NUSAP1: variants seen among roughly 807,000 people sequenced by gnomAD.
NUSAP1 encodes nucleolar and spindle-associated protein 1.
In NUSAP1, 32 loss-of-function variants were observed where a neutral mutation model predicts 52.8. That is an observed-to-expected ratio of 0.61 (90% CI 0.46 to 0.81). The LOEUF is 0.81. Among genes scored for constraint, NUSAP1 ranks in the 40% least tolerant of loss-of-function variants. The pLI is 0.00. For missense variants in NUSAP1, 499 were observed against 522.3 expected, an observed-to-expected ratio of 0.96 and a Z score of 0.43; for synonymous variants, 195 against 183.1, an observed-to-expected ratio of 1.06 and a Z score of -0.52.
chr15:41,351,478 A>G (rs922721834), intron 4 of NUSAP1, among the ~76,000 whole-genome samples: 1 of 152,218 alleles, frequency 6.6e-6, no homozygotes, highest in Non-Finnish European at 1.5e-5. Context: ...GACAGCAGTC[A>G]TATTGGATTA....
In NUSAP1 at chr15:41,380,625, C is replaced by T. The variant is rs1337695195; in HGVS notation, c.*439C>T. On this transcript the variant is annotated 3_prime_UTR_variant, in exon 11 of 11. Coordinates refer to ENST00000559596, the MANE Select transcript of NUSAP1 (RefSeq NM_016359.5). The stretch of plus-strand genomic sequence containing the variant: ...CTGGGATAGAAAGGCCACCTCTTCA[C>T]TCTCTATAGAATATAGTAACCTTTA... The T allele has an allele frequency of 6.2e-6, 1 of 160,264 alleles. No homozygotes were observed. Among genetic ancestry groups the T allele is most frequent in the Non-Finnish European group, 1.4e-5 (1 of 73,336 alleles). 9.9% of individuals were successfully genotyped at this position (160,264 alleles called of 1,614,324 possible).
chr15:41,350,775 T>C (rs895622649), intron 3 of NUSAP1, among the ~76,000 whole-genome samples: 1 of 152,210 alleles, frequency 6.6e-6, no homozygotes, highest in Non-Finnish European at 1.5e-5. Flanking sequence ...TTGCCATTTC[T>C]ATTTTCCTCT....
At chr15:41,363,952 G>T (rs1018451344) in intron 6 of NUSAP1, among the ~76,000 whole-genome samples, 2 of 151,942 alleles carry the variant, frequency 1.3e-5, no homozygotes, top group African/African-American at 4.8e-5. Context: ...AGAGGGAGAG[G>T]ATAGAATTAT....
intron 2 of NUSAP1, 59 bp from the exon 3 acceptor site, chr15:41,349,039 C>G (rs2048685907): frequency 6.6e-7 from 1 of 1,507,948 alleles, no homozygotes; most frequent in East Asian, 2.3e-5. Context: ...AATTCTGATT[C>G]TTCCTGAGCA....
chr15:41,361,019 A>G (rs2049154324), intron 6 of NUSAP1, among the ~76,000 whole-genome samples: 1 of 151,368 alleles, frequency 6.6e-6, no homozygotes, highest in South Asian at 2.1e-4. Context: ...GCTTGAACCC[A>G]GGAGGTGGAG....
chr15:41,358,463 G>A (rs895540339), intron 6 of NUSAP1, among the ~76,000 whole-genome samples: 6 of 152,124 alleles, frequency 3.9e-5, no homozygotes, highest in African/African-American at 1.2e-4. Context: ...ATGGCCAAGC[G>A]CAGTGGCTCA....
At chr15:41,363,869 C>T (rs1276862796) in intron 6 of NUSAP1, among the ~76,000 whole-genome samples, 1 of 152,168 alleles carries the variant, frequency 6.6e-6, no homozygotes, top group Admixed American at 6.6e-5. Flanking sequence ...AAGTGAAACC[C>T]TTCAAGCATT....
intron 2 of NUSAP1, among the ~76,000 whole-genome samples, chr15:41,343,944 G>T (rs376418691): frequency 1.3e-5 from 2 of 151,410 alleles, no homozygotes; most frequent in African/African-American, 4.8e-5. Context: ...TAGGCCAGGC[G>T]CAGTGGCTCA....
intron 10 of NUSAP1, among the ~76,000 whole-genome samples, chr15:41,377,698 C>CAA (rs567198834): frequency 7.3e-5 from 7 of 96,532 alleles, no homozygotes; most frequent in Middle Eastern, 8.2e-3. Context: ...GGCGCCGTCT[C>CAA]AAAAAAAAAA....
intron 6 of NUSAP1, among the ~76,000 whole-genome samples, chr15:41,361,326 G>A (rs1019111167): frequency 3.3e-5 from 5 of 151,918 alleles, no homozygotes; most frequent in Non-Finnish European, 7.4e-5. Context: ...CCGGGAGGCA[G>A]AGGTTGCGGT....
At chr15:41,366,054 G>A (rs1038034685) in intron 7 of NUSAP1, among the ~76,000 whole-genome samples, 19 of 151,870 alleles carry the variant, frequency 1.3e-4, no homozygotes, top group African/African-American at 4.4e-4. Flanking sequence ...TTGTATTGTA[G>A]TCAGATCAGG....
Position 41,351,118 on chromosome 15 carries a change from C to G in NUSAP1, c.437C>G (p.Ala146Gly). ...GACGAGCACCAAGAAGCTGAGAATG[C>G]TGTTTCCTCAGGTAAACGTGGAATA... ...PPDEHQEAENAVSSGNRDSKV... is the reference protein window; with the variant it reads ...PPDEHQEAENGVSSGNRDSKV... Residue 146 changes from alanine to glycine, a missense_variant, in exon 4 of 11, where the codon GCT (alanine) becomes GGT (glycine). By Grantham distance (60) the Ala-to-Gly change is moderately conservative. Transcript: ENST00000559596. 1 of 1,610,934 alleles carries G rather than the reference C, an allele frequency of 6.2e-7. No homozygotes were observed. The highest frequency in any genetic ancestry group is 8.5e-7 in the Non-Finnish European group (1 of 1,179,198).
intron 7 of NUSAP1, among the ~76,000 whole-genome samples, chr15:41,366,572 G>A (rs143684148): frequency 1.4e-3 from 212 of 152,196 alleles, no homozygotes; most frequent in Non-Finnish European, 1.5e-3. Context: ...ATGAGCCACC[G>A]CGCCTGGCCG....
At chr15:41,341,042 A>T (rs1327517954) in intron 1 of NUSAP1, among the ~76,000 whole-genome samples, 3 of 152,154 alleles carry the variant, frequency 2.0e-5, no homozygotes, top group African/African-American at 7.2e-5. Context: ...GAAGAGGAAG[A>T]AAAAAAGAAC....
intron 1 of NUSAP1, among the ~76,000 whole-genome samples, chr15:41,337,857 T>C (rs1225254071): frequency 1.3e-5 from 2 of 152,072 alleles, no homozygotes; most frequent in Non-Finnish European, 2.9e-5. Flanking sequence ...GCTCTCTTCC[T>C]GGTTGTCTTT....
At chr15:41,337,325 C>G (rs2048195808) in intron 1 of NUSAP1, among the ~76,000 whole-genome samples, 2 of 152,130 alleles carry the variant, frequency 1.3e-5, no homozygotes, top group Non-Finnish European at 2.9e-5. Context: ...GGCCCCACCA[C>G]CAAACCTTTT....
At chr15:41,357,293 G>A (rs2049009641) in intron 5 of NUSAP1, among the ~76,000 whole-genome samples, 1 of 151,924 alleles carries the variant, frequency 6.6e-6, no homozygotes, top group African/African-American at 2.4e-5. Context: ...GCTTGAACCT[G>A]TGAGGCAGAG....
chr15:41,342,859 G>A (rs1309435332), intron 2 of NUSAP1, among the ~76,000 whole-genome samples: 2 of 151,922 alleles, frequency 1.3e-5, no homozygotes, highest in African/African-American at 4.8e-5. Flanking sequence ...AAAAAGATAT[G>A]CTGTTTATTA....
intron 4 of NUSAP1, among the ~76,000 whole-genome samples, chr15:41,354,769 A>G (rs140154686): frequency 7.3e-5 from 11 of 151,692 alleles, no homozygotes; most frequent in Non-Finnish European, 8.8e-5. Flanking sequence ...CTGTAATCCC[A>G]GCACTTTGGG....
Sources: allele counts gnomAD v4.1 joint callset (sites outside exome capture counted in the v4.1 genomes callset), GRCh38; gene constraint gnomAD v4.1.1; transcripts MANE v1.5; gene names NCBI Gene and HGNC (gene_info 2026-07-23, HGNC 2026-07-21).